LTBP1: variants seen among roughly 807,000 people sequenced by gnomAD.
LTBP1 encodes the protein latent transforming growth factor beta binding protein 1.
A neutral mutation model predicts 207.6 loss-of-function variants in LTBP1; 129 were observed. The observed-to-expected ratio is 0.62, with a 90% CI of 0.54 to 0.72. The LOEUF is 0.72. Ranked by LOEUF, LTBP1 falls within the 30% of genes least tolerant of loss-of-function variation. LTBP1 has a pLI of 0.00. For missense variants in LTBP1, 2,281 were observed against 2,217.2 expected, an observed-to-expected ratio of 1.03 and a Z score of -0.58; for synonymous variants, 963 against 833.7, an observed-to-expected ratio of 1.16 and a Z score of -2.67.
rs2093818326 is a variant in LTBP1 at position 33,293,676 on chromosome 2, A to G, written c.3235+394A>G. ...ATTGATATGAAAGTAACCAATATAC[A>G]CTCATTTTAGAAAATTTAGCAAATA... On this transcript the variant is annotated intron_variant, in intron 20 of 33. Coordinates refer to ENST00000404816, the MANE Select transcript of LTBP1 (RefSeq NM_206943.4). Among the ~76,000 whole-genome samples, 3 of 152,208 alleles carry G rather than the reference A, an allele frequency of 2.0e-5. No individual in the cohort carries two copies. The South Asian group carries it at 6.2e-4, about 31-fold the overall frequency.
At chr2:32,949,101 G>A (rs1676718951) in intron 2 of LTBP1, among the ~76,000 whole-genome samples, 156 bp downstream of exon 2, 1 of 152,192 alleles carries the variant, frequency 6.6e-6, no homozygotes, top group Non-Finnish European at 1.5e-5. Context: ...AGGAAGGGCT[G>A]GGTCAGGGTA....
chr2:33,022,741 G>A (rs953133742), intron 3 of LTBP1, among the ~76,000 whole-genome samples: 3 of 152,140 alleles, frequency 2.0e-5, no homozygotes, highest in African/African-American at 4.8e-5. Flanking sequence ...TGGGACATAC[G>A]GTTTCTGTTG....
intron 3 of LTBP1, among the ~76,000 whole-genome samples, chr2:33,046,801 G>C (rs144788064): frequency 1.6e-3 from 242 of 152,224 alleles, no homozygotes; most frequent in Non-Finnish European, 2.5e-3. Context: ...CTTGTTATTG[G>C]TCTATTCAGG....
chr2:33,053,260 A>T (rs530828232), intron 3 of LTBP1, among the ~76,000 whole-genome samples: 118 of 152,024 alleles, frequency 7.8e-4, no homozygotes, highest in Non-Finnish European at 1.4e-3. Context: ...GGCCCCTGCA[A>T]CCCCTCTCCC....
intron 3 of LTBP1, among the ~76,000 whole-genome samples, chr2:33,055,788 C>G (rs1254979443): frequency 6.6e-6 from 1 of 152,174 alleles, no homozygotes; most frequent in Non-Finnish European, 1.5e-5. Flanking sequence ...GGACATGTAC[C>G]TGGGTAGGGC....
chr2:33,218,841 T>A (rs777724608), intron 8 of LTBP1, among the ~76,000 whole-genome samples: 28 of 152,366 alleles, frequency 1.8e-4, no homozygotes, highest in Non-Finnish European at 3.4e-4. Context: ...ATAATTTTTT[T>A]ATTCTTTGTA....
chr2:33,342,807 T>C, intron 24 of LTBP1, 31 bp from the exon 25 acceptor site: 1 of 1,608,994 alleles, frequency 6.2e-7, no homozygotes. Flanking sequence ...TGTGTTTGTT[T>C]TGTGTCTGAT....
At chr2:33,200,163 G>A (rs1364522170) in intron 7 of LTBP1, among the ~76,000 whole-genome samples, 2 of 152,044 alleles carry the variant, frequency 1.3e-5, no homozygotes, top group Non-Finnish European at 2.9e-5. Context: ...AGCCCACATT[G>A]CCAAGTCAAT....
intron 5 of LTBP1, among the ~76,000 whole-genome samples, chr2:33,142,984 A>G (rs544672018): frequency 2.9e-4 from 44 of 152,332 alleles, no homozygotes; most frequent in African/African-American, 1.1e-3. Context: ...CATAGCATGC[A>G]GGGCCCTGCT....
At chr2:33,208,271 A>T (rs888738890) in intron 7 of LTBP1, among the ~76,000 whole-genome samples, 11 of 152,190 alleles carry the variant, frequency 7.2e-5, no homozygotes, top group African/African-American at 2.7e-4. Flanking sequence ...TTATAATGTG[A>T]CTTTATAATG....
At chr2:33,085,704 C>G (rs1408549636) in intron 3 of LTBP1, among the ~76,000 whole-genome samples, 1 of 152,184 alleles carries the variant, frequency 6.6e-6, no homozygotes, top group Non-Finnish European at 1.5e-5. Flanking sequence ...CATATGCTTA[C>G]ATAAGAGGCA....
chr2:33,119,688 G>T (rs569468846), intron 4 of LTBP1, among the ~76,000 whole-genome samples: 1 of 152,020 alleles, frequency 6.6e-6, no homozygotes, highest in Non-Finnish European at 1.5e-5. Flanking sequence ...TCCCGAGTAG[G>T]CTGGGACTAC....
chr2:33,289,506 C>T (rs573039154), intron 19 of LTBP1, among the ~76,000 whole-genome samples: 8 of 152,100 alleles, frequency 5.3e-5, no homozygotes, highest in East Asian at 3.9e-4. Context: ...ACTACAGGCA[C>T]GCACCACCAC....
chr2:33,299,809 T>C (rs1351203483), intron 20 of LTBP1, among the ~76,000 whole-genome samples: 3 of 152,256 alleles, frequency 2.0e-5, no homozygotes, highest in Middle Eastern at 3.2e-3. Flanking sequence ...AGGACACTTA[T>C]TAAGAATTAT....
chr2:33,050,736 T>C (rs2076693256), intron 3 of LTBP1, among the ~76,000 whole-genome samples: 1 of 146,634 alleles, frequency 6.8e-6, no homozygotes, highest in Non-Finnish European at 1.5e-5. Context: ...ATTGAAACTC[T>C]CTTTTTTTTT....
At chr2:33,377,976 C>A (rs932851474) in intron 31 of LTBP1, among the ~76,000 whole-genome samples, 3 of 152,142 alleles carry the variant, frequency 2.0e-5, no homozygotes. Flanking sequence ...GTCGGGATTA[C>A]AATTCAAGAT....
chr2:33,105,923 C>T (rs141327454), intron 3 of LTBP1, among the ~76,000 whole-genome samples: 18 of 152,292 alleles, frequency 1.2e-4, no homozygotes, highest in African/African-American at 3.8e-4. Context: ...GCATTTTACG[C>T]ACAATAGAAC....
chr2:33,265,494 A>G (rs533340058), intron 15 of LTBP1, among the ~76,000 whole-genome samples: 1 of 152,372 alleles, frequency 6.6e-6, no homozygotes, highest in South Asian at 2.1e-4. Context: ...ACATCTATAC[A>G]TTGGAACATT....
At chr2:33,137,265 A>G (rs2082219133) in intron 5 of LTBP1, among the ~76,000 whole-genome samples, 1 of 152,188 alleles carries the variant, frequency 6.6e-6, no homozygotes, top group Non-Finnish European at 1.5e-5. Flanking sequence ...TTGTTTATAG[A>G]ATACTAAATC....
Sources: gnomAD v4.1 joint callset for allele counts (sites outside exome capture counted in the v4.1 genomes callset) on GRCh38, gnomAD v4.1.1 for gene constraint, MANE v1.5 for transcripts, NCBI Gene and HGNC (gene_info 2026-07-23, HGNC 2026-07-21) for gene names.